HMCN1: variants seen among roughly 807,000 people sequenced by gnomAD.
The protein encoded by HMCN1 is hemicentin 1.
Under a neutral mutation model 625.9 loss-of-function variants are expected in HMCN1, and 321 were observed. That is an observed-to-expected ratio of 0.51 (90% CI 0.47 to 0.56). The LOEUF (loss-of-function observed/expected upper bound fraction) is 0.56, where lower values mean the gene tolerates loss of function less well. HMCN1 is among the 20% of genes least tolerant of loss of function. HMCN1 has a pLI of 0.00. For synonymous variants in HMCN1, 2,425 were observed against 2,417.6 expected (o/e 1.00, Z -0.09); for missense variants, 6,588 against 6,887.3 (o/e 0.96, Z 1.54).
At chr1:186,061,450 C>A (rs1558186211) in intron 46 of HMCN1, among the ~76,000 whole-genome samples, 1 of 152,152 alleles carries the variant, frequency 6.6e-6, no homozygotes, top group Non-Finnish European at 1.5e-5. Context: ...TGACCTCCCA[C>A]CAGGTCCCTC....
intron 11 of HMCN1, among the ~76,000 whole-genome samples, chr1:185,946,646 A>G (rs1382439070): frequency 6.6e-6 from 1 of 152,250 alleles, no homozygotes; most frequent in Non-Finnish European, 1.5e-5. Flanking sequence ...AGAAAAAACA[A>G]GACTTCTTAA....
chr1:186,049,470 T>C (rs961322536), intron 42 of HMCN1, among the ~76,000 whole-genome samples: 1 of 151,822 alleles, frequency 6.6e-6, no homozygotes, highest in African/African-American at 2.4e-5. Context: ...ATTACTATAA[T>C]AACCAGGGAG....
At chr1:185,984,446 C>T in intron 19 of HMCN1, 133 bp downstream of exon 19, 1 of 927,628 alleles carries the variant, frequency 1.1e-6, no homozygotes, top group South Asian at 1.4e-5. Flanking sequence ...ATTTCTTGAA[C>T]AATATCTACA....
intron 4 of HMCN1, among the ~76,000 whole-genome samples, chr1:185,904,390 A>G (rs1489969173): frequency 2.0e-5 from 3 of 151,904 alleles, no homozygotes; most frequent in South Asian, 4.1e-4. Context: ...CATATCAAAT[A>G]CCATATAGAT....
rs758475705 is a variant in HMCN1, at chr1:185,979,378, G to C, written c.2566+1397G>C. Among the ~76,000 whole-genome samples, 21 of 152,116 alleles carry C rather than the reference G, an allele frequency of 1.4e-4. 1 individual carries two copies. Among genetic ancestry groups the C allele is most frequent in the Non-Finnish European group, 1.5e-5 (1 of 68,032 alleles). On this transcript the variant is annotated intron_variant, in intron 16 of 106. Transcript: ENST00000271588. ...AACATTGAAAAGCTCAAAGAGTGATGATGAGAAACAACCCAGATGTTGATA... is the reference window on the plus strand; with the variant it reads ...AACATTGAAAAGCTCAAAGAGTGATCATGAGAAACAACCCAGATGTTGATA...
chr1:186,068,335 A>C (rs1204116987), intron 50 of HMCN1, among the ~76,000 whole-genome samples: 1 of 152,182 alleles, frequency 6.6e-6, no homozygotes, highest in Non-Finnish European at 1.5e-5. Flanking sequence ...TTCCTGATTA[A>C]ATATTAACTC....
At chr1:185,977,292 G>T (rs1178914304) in intron 15 of HMCN1, among the ~76,000 whole-genome samples, 1 of 152,006 alleles carries the variant, frequency 6.6e-6, no homozygotes, top group Admixed American at 6.6e-5. Flanking sequence ...ATTGAACAAG[G>T]ATATAATTTA....
intron 58 of HMCN1, 68 bp downstream of exon 58, chr1:186,086,475 A>G: frequency 1.3e-6 from 2 of 1,486,284 alleles, no homozygotes; most frequent in South Asian, 1.2e-5. Context: ...ACAGCATTTC[A>G]AATTAGTGTA....
At chr1:186,179,372 G>A (rs1041710527) in intron 104 of HMCN1, among the ~76,000 whole-genome samples, 1 of 152,160 alleles carries the variant, frequency 6.6e-6, no homozygotes, top group Non-Finnish European at 1.5e-5. Context: ...AAATTCACAA[G>A]TCTATAATTC....
intron 11 of HMCN1, among the ~76,000 whole-genome samples, chr1:185,943,426 C>A (rs1668180723): frequency 6.6e-6 from 1 of 152,112 alleles, no homozygotes; most frequent in Non-Finnish European, 1.5e-5. Flanking sequence ...TGTAGAATTG[C>A]TTGGTGTGTA....
At chr1:185,908,630 C>A (rs1666236583) in intron 4 of HMCN1, among the ~76,000 whole-genome samples, 1 of 151,822 alleles carries the variant, frequency 6.6e-6, no homozygotes, top group Non-Finnish European at 1.5e-5. Context: ...TTTTAAAACC[C>A]AATTTCTTTA....
At chr1:185,900,615 T>G (rs1665750186) in intron 4 of HMCN1, among the ~76,000 whole-genome samples, 1 of 151,980 alleles carries the variant, frequency 6.6e-6, no homozygotes, top group Non-Finnish European at 1.5e-5. Flanking sequence ...CTGAAATGAT[T>G]GGACCTTTGG....
chr1:185,891,172 T>C (rs1665049583), intron 4 of HMCN1, among the ~76,000 whole-genome samples: 1 of 130,622 alleles, frequency 7.7e-6, no homozygotes, highest in African/African-American at 3.7e-5. Flanking sequence ...TGGTAGATCT[T>C]CCTCCATCCT....
intron 1 of HMCN1, among the ~76,000 whole-genome samples, chr1:185,832,466 T>A (rs1209701640): frequency 6.6e-6 from 1 of 152,068 alleles, no homozygotes; most frequent in Non-Finnish European, 1.5e-5. Context: ...AGGTAAAGAT[T>A]AGTGGATTAG....
chr1:185,787,905 A>C (rs1486283350), intron 1 of HMCN1, among the ~76,000 whole-genome samples: 2 of 152,228 alleles, frequency 1.3e-5, no homozygotes, highest in Non-Finnish European at 2.9e-5. Context: ...GGTAGGTGAT[A>C]GCTATAATTG....
chr1:185,963,600 A>G (rs1037955789), intron 12 of HMCN1, among the ~76,000 whole-genome samples, 168 bp from the exon 13 acceptor site: 1 of 152,118 alleles, frequency 6.6e-6, no homozygotes, highest in Non-Finnish European at 1.5e-5. Flanking sequence ...TATTATTATT[A>G]TTATTGCATT....
chr1:185,743,510 A>G (rs1042509920), intron 1 of HMCN1, among the ~76,000 whole-genome samples: 10 of 152,182 alleles, frequency 6.6e-5, no homozygotes, highest in Non-Finnish European at 1.5e-4. Flanking sequence ...GTATGCTATA[A>G]GGCAGTCTGC....
intron 57 of HMCN1, among the ~76,000 whole-genome samples, chr1:186,085,315 C>A (rs977307992): frequency 1.3e-5 from 2 of 152,076 alleles, no homozygotes; most frequent in African/African-American, 4.8e-5. Flanking sequence ...GCCGGAAAGT[C>A]CAAGATCAAG....
chr1:186,018,878 C>T (rs1654539197), intron 34 of HMCN1, among the ~76,000 whole-genome samples: 1 of 152,016 alleles, frequency 6.6e-6, no homozygotes, highest in Non-Finnish European at 1.5e-5. Context: ...AGAAGCAACC[C>T]TCTGCCAGGG....
Sources: gnomAD v4.1 joint callset for allele counts (sites outside exome capture counted in the v4.1 genomes callset) on GRCh38, gnomAD v4.1.1 for gene constraint, MANE v1.5 for transcripts, NCBI Gene and HGNC (gene_info 2026-07-23, HGNC 2026-07-21) for gene names.